Variants in IGFL2 observed in about 807,000 individuals in gnomAD.
IGFL2 encodes the protein IGF like family member 2, also known as insulin growth factor-like family member 2.
In IGFL2, 7 loss-of-function variants were observed where a neutral mutation model predicts 13.9. The observed-to-expected ratio is 0.51, with a 90% CI of 0.29 to 0.95. The LOEUF (loss-of-function observed/expected upper bound fraction) is 0.95, where lower values mean the gene tolerates loss of function less well. Among genes scored for constraint, IGFL2 ranks in the 40% least tolerant of loss-of-function variants. IGFL2 has a pLI of 0.08. For synonymous variants in IGFL2, 55 were observed against 55.8 expected, an observed-to-expected ratio of 0.99 and a Z score of 0.07; for missense variants, 138 against 147.8, an observed-to-expected ratio of 0.93 and a Z score of 0.34.
chr19:46,101,573 C>G, the IGFL2 span, among the ~76,000 whole-genome samples: 1 of 152,266 alleles, frequency 6.6e-6, no homozygotes, highest in Non-Finnish European at 1.5e-5. Flanking sequence ...TCCCTGGCAC[C>G]AGCAGGGGAA....
At chr19:46,124,054 A>G in the IGFL2 span, 3 of 1,611,624 alleles carry the variant, frequency 1.9e-6, 1 homozygote, top group South Asian at 3.3e-5. Context: ...CTTTAAGGAT[A>G]AGATGGCATC....
the IGFL2 span, among the ~76,000 whole-genome samples, chr19:46,086,264 A>G: frequency 6.6e-6 from 1 of 152,038 alleles, no homozygotes; most frequent in Non-Finnish European, 1.5e-5. Flanking sequence ...TATGTCATTG[A>G]GAACAACTCA....
chr19:46,087,397 C>A, the IGFL2 span, among the ~76,000 whole-genome samples: 2 of 152,180 alleles, frequency 1.3e-5, no homozygotes, highest in East Asian at 3.9e-4. Context: ...CAGTAGTAGA[C>A]CAGGTTGCGT....
chr19:46,110,125 C>T, the IGFL2 span, among the ~76,000 whole-genome samples: 1 of 152,212 alleles, frequency 6.6e-6, no homozygotes, highest in Non-Finnish European at 1.5e-5. Context: ...AGATAACAGC[C>T]ATCGGGGCCA....
At chr19:46,101,013 G>A in the IGFL2 span, 1 of 152,300 alleles carries the variant, frequency 6.6e-6, no homozygotes, top group Non-Finnish European at 1.5e-5. Context: ...TTCACTTCAG[G>A]CCCTATTCAC....
intron 1 of IGFL2, among the ~76,000 whole-genome samples, chr19:46,149,270 C>T: frequency 7.0e-6 from 1 of 142,816 alleles, no homozygotes; most frequent in South Asian, 2.4e-4. Flanking sequence ...CCCACTCACC[C>T]CTCACCCTTT....
the IGFL2 span, among the ~76,000 whole-genome samples, chr19:46,190,738 TC>T: frequency 2.4e-4 from 36 of 152,152 alleles, no homozygotes; most frequent in Non-Finnish European, 1.0e-4. Flanking sequence ...CATCATTCCT[TC>T]CCCCATGGGG....
the IGFL2 span, among the ~76,000 whole-genome samples, chr19:46,132,066 C>T: frequency 5.3e-4 from 80 of 152,304 alleles, no homozygotes; most frequent in African/African-American, 1.9e-3. Context: ...TCTTGGCCAA[C>T]AGGAAATGGG....
At chr19:46,113,311 A>G in the IGFL2 span, 4 of 279,714 alleles carry the variant, frequency 1.4e-5, no homozygotes, top group African/African-American at 2.3e-5. Context: ...CTGGTATGCC[A>G]TTTTGTTCAT....
the IGFL2 span, among the ~76,000 whole-genome samples, chr19:46,089,443 T>TA: frequency 5.9e-5 from 9 of 152,240 alleles, no homozygotes; most frequent in Non-Finnish European, 1.2e-4. Flanking sequence ...ACTGTATACT[T>TA]ACTTTTACCA....
At position 46,160,851 on chromosome 19, in the gene IGFL2, A is replaced by C. The variant is rs745535137; in HGVS notation, c.311A>C (p.His104Pro). 1.5e-5 allele frequency: 24 copies of C among 1,613,560 alleles called. No individual in the cohort carries two copies. Among genetic ancestry groups the C allele is most frequent in the African/African-American group, 1.3e-4 (10 of 74,784 alleles). Residue 104 changes from histidine (H) to proline (P), a missense_variant, in exon 3 of 4, where the codon CAC becomes CCC. Coordinates refer to ENST00000377693, the MANE Select transcript of IGFL2 (RefSeq NM_001135113.2). Reference sequence around the variant, plus strand: ...GTTCAGGGTGTGAATTCCCAGTGCCACTCATCTCCCATCTCCAGTAAATGT... The same window carrying C: ...GTTCAGGGTGTGAATTCCCAGTGCCCCTCATCTCCCATCTCCAGTAAATGT... ...LKVQGVNSQC[H>P]SSPISSKCES...
At chr19:46,181,608 C>G in the IGFL2 span, among the ~76,000 whole-genome samples, 2 of 152,170 alleles carry the variant, frequency 1.3e-5, no homozygotes, top group South Asian at 4.1e-4. Flanking sequence ...ACACTCCCTC[C>G]CAGGAACTGA....
chr19:46,194,273 G>A, the IGFL2 span, among the ~76,000 whole-genome samples: 610 of 152,118 alleles, frequency 4.0e-3, 3 homozygotes, highest in African/African-American at 0.012. Context: ...CCAGTGAGGC[G>A]TTGACTCCAC....
chr19:46,096,806 T>C, the IGFL2 span, among the ~76,000 whole-genome samples: 2 of 152,242 alleles, frequency 1.3e-5, no homozygotes, highest in African/African-American at 2.4e-5. Context: ...GTTCTGTTTA[T>C]GTGATGAATT....
chr19:46,099,730 C>A, the IGFL2 span, among the ~76,000 whole-genome samples: 1 of 151,944 alleles, frequency 6.6e-6, no homozygotes, highest in South Asian at 2.1e-4. Context: ...GTTTCACCAT[C>A]TTATCCAGGC....
the IGFL2 span, among the ~76,000 whole-genome samples, chr19:46,171,103 C>T: frequency 5.9e-5 from 9 of 152,126 alleles, no homozygotes; most frequent in East Asian, 3.8e-4. Flanking sequence ...GGTTTTATGG[C>T]TCAGGGGGCA....
chr19:46,120,331 T>A, the IGFL2 span: 20 of 1,611,120 alleles, frequency 1.2e-5, 1 homozygote, highest in Middle Eastern at 5.0e-4. Context: ...CTGGGGTTTT[T>A]ATGGGTACAG....
chr19:46,194,686 G>A, the IGFL2 span, among the ~76,000 whole-genome samples: 72 of 151,786 alleles, frequency 4.7e-4, no homozygotes, highest in East Asian at 0.013. Context: ...GCCAGACGTG[G>A]TCACGGGCAC....
the IGFL2 span, chr19:46,190,261 T>G: frequency 2.0e-5 from 3 of 152,272 alleles, no homozygotes; most frequent in African/African-American, 7.2e-5. Flanking sequence ...TGGATTCTGG[T>G]TCATCTACAA....
Sources: allele counts gnomAD v4.1 joint callset (sites outside exome capture counted in the v4.1 genomes callset), GRCh38; gene constraint gnomAD v4.1.1; transcripts MANE v1.5; gene names NCBI Gene and HGNC (gene_info 2026-07-23, HGNC 2026-07-21).